The following RYR1 variants were observed in gnomAD, a reference collection of about 807,000 sequenced individuals.
The protein encoded by RYR1 is ryanodine receptor 1.
Under a neutral mutation model 583.5 loss-of-function variants are expected in RYR1, and 342 were observed. The observed-to-expected ratio is 0.59, with a 90% CI of 0.54 to 0.64. The LOEUF is 0.64. Ranked by LOEUF, RYR1 falls within the 30% of genes least tolerant of loss-of-function variation. The probability of loss-of-function intolerance (pLI) is 0.00; values close to 1 mark genes in which losing one functional copy is unlikely to be tolerated. For missense variants in RYR1, 6,032 were observed against 6,917.2 expected (o/e 0.87, Z 4.54); for synonymous variants, 2,791 against 2,822.5 (o/e 0.99, Z 0.35).
At chr19:38,465,365 G>A (rs1371531050) in intron 23 of RYR1, among the ~76,000 whole-genome samples, 3 of 152,092 alleles carry the variant, frequency 2.0e-5, no homozygotes, top group Non-Finnish European at 4.4e-5. Context: ...CAACTTGGGA[G>A]GTTGAGATGG....
rs183194072 is a variant in RYR1, at chr19:38,447,563, C to T, written c.801-792C>T. On this transcript the variant is annotated intron_variant, in intron 9 of 105. Transcript: ENST00000359596. Reference sequence around the variant, plus strand: ...CTCAAAAAAATACAAAAACAAAGGCCGGGGGCGGTGGCTCACACCTGTAAT... The same window carrying T: ...CTCAAAAAAATACAAAAACAAAGGCTGGGGGCGGTGGCTCACACCTGTAAT... Among the ~76,000 whole-genome samples the T allele has an allele frequency of 4.5e-3, 674 of 148,206 alleles. 6 individuals carry two copies. The highest frequency in any genetic ancestry group is 0.016 in the African/African-American group (629 of 40,022).
chr19:38,506,592 G>C (rs748884335), intron 56 of RYR1, 46 bp downstream of exon 56: 4 of 1,605,608 alleles, frequency 2.5e-6, no homozygotes, highest in Admixed American at 1.7e-5. Flanking sequence ...TGGATTCACC[G>C]TGTGGTTTTG....
chr19:38,448,598 C>T (rs1966913455), intron 10 of RYR1, 51 bp from the exon 11 acceptor site: 7 of 1,614,180 alleles, frequency 4.3e-6, no homozygotes, highest in Non-Finnish European at 5.9e-6. Context: ...GGGGGCTCCC[C>T]TGCTAAACAC....
intron 55 of RYR1, 45 bp from the exon 56 acceptor site, chr19:38,506,426 C>G (rs781068340): frequency 1.2e-6 from 2 of 1,613,754 alleles, no homozygotes; most frequent in Non-Finnish European, 1.7e-6. Context: ...TTTGGGGGGG[C>G]TGGCATCCTC....
chr19:38,520,900 G>A (rs1313581649), intron 67 of RYR1, among the ~76,000 whole-genome samples: 1 of 152,030 alleles, frequency 6.6e-6, no homozygotes, highest in Non-Finnish European at 1.5e-5. Flanking sequence ...TTTCACAAAT[G>A]TTAGGTGGAA....
chr19:38,540,386 CAT>C (rs1972146050), intron 84 of RYR1, among the ~76,000 whole-genome samples: 1 of 142,742 alleles, frequency 7.0e-6, no homozygotes, highest in African/African-American at 2.6e-5. Context: ...AACCTCCAAT[CAT>C]ATACTACAGT....
rs776320867 is a variant in RYR1 at position 38,489,168 on chromosome 19, G to T, written c.5548-9G>T. 5 of 1,613,972 alleles carry T rather than the reference G, an allele frequency of 3.1e-6. No individual in the cohort carries two copies. On this transcript the variant is annotated splice_polypyrimidine_tract_variant and intron_variant, in intron 34 of 105. Transcript: ENST00000359596. ...GGCCACAGTGAAGAACCGAGACTTT[G>T]TCCTGTAGGTGATGGGCATCTTTGG...
intron 39 of RYR1, among the ~76,000 whole-genome samples, chr19:38,494,852 C>T (rs370495390): frequency 1.4e-5 from 2 of 142,114 alleles, no homozygotes; most frequent in African/African-American, 5.7e-5. Context: ...CCCACCCCCC[C>T]CTTTTTTTTT....
At position 38,509,170 on chromosome 19, in the gene RYR1, C is replaced by T. The variant is rs1485462778; in HGVS notation, c.8933-1328C>T. Among the ~76,000 whole-genome samples, 3 of 152,274 alleles carry T rather than the reference C, an allele frequency of 2.0e-5. No individual in the cohort carries two copies. The East Asian group carries it at 5.8e-4, about 29-fold the overall frequency. On this transcript the variant is annotated intron_variant, in intron 58 of 105. Transcript: ENST00000359596. ...AAAGCCTGCCTGCTGAGCTTCAGTG[C>T]TGCACATCCCCCTGACAATTCCCTT...
In RYR1 at chr19:38,444,159, C is replaced by T. The variant is rs1972827170; in HGVS notation, c.435C>T (p.Cys145=). 6.2e-7 allele frequency: 1 copy of T among 1,613,674 alleles called. No homozygotes were observed. The highest frequency in any genetic ancestry group is 8.5e-7 in the Non-Finnish European group (1 of 1,179,764). The change falls in exon 6 of 106, where the codon TGC becomes TGT. Residue 145 remains cysteine (C), a synonymous_variant. Transcript: ENST00000359596. The surrounding 1 kb of genome is among the most constrained non-coding windows in gnomAD (Gnocchi z 5.1). ...CATCCCCACCCATAGGAGAGGCTTG[C>T]TGGTGGACCATGCACCCAGCCTCCA... ...GLQEDATGEA[C]WWTMHPASKQ...
In RYR1 at chr19:38,502,593, G is replaced by A. The variant is rs1420408214; in HGVS notation, c.7701G>A (p.Pro2567=). 2 of 1,612,556 alleles carry A rather than the reference G, an allele frequency of 1.2e-6. No homozygotes were observed. The highest frequency in any genetic ancestry group is 2.2e-5 in the East Asian group (1 of 44,844). ...AVLPLITKCA[P]LFAGTEHRAI... Reference sequence around the variant, plus strand: ...TGCCGCTCATCACCAAGTGTGCGCCGCTCTTTGCGGGCACAGAACACCGCG... The same window carrying A: ...TGCCGCTCATCACCAAGTGTGCGCCACTCTTTGCGGGCACAGAACACCGCG... Residue 2567 remains proline, a synonymous_variant, in exon 48 of 106, where the codon CCG becomes CCA. Coordinates refer to ENST00000359596, the MANE Select transcript of RYR1 (RefSeq NM_000540.3).
chr19:38,486,008 G>A lies in RYR1; in HGVS notation c.5353G>A (p.Ala1785Thr), dbSNP rs994430568. ...HHFSPPCFVA[A>T]LPAAGAAEAP... is the part of the protein sequence containing the mutation. ...TTTCTCGCCCCCCTGTTTCGTGGCC[G>A]CTCTGCCAGCTGCTGGGGCAGCAGA... The change falls in exon 34 of 106, where the codon GCT becomes ACT. Residue 1785 changes from alanine to threonine, a missense_variant. Physicochemically the swap from Ala to Thr is moderately conservative, Grantham distance 58. Transcript: ENST00000359596. 2 of 1,613,240 alleles carry A rather than the reference G, an allele frequency of 1.2e-6. No homozygotes were observed. Among genetic ancestry groups the A allele is most frequent in the Non-Finnish European group, 8.5e-7 (1 of 1,179,896 alleles).
chr19:38,570,319 G>T (rs1361156105), intron 93 of RYR1, among the ~76,000 whole-genome samples: 1 of 151,976 alleles, frequency 6.6e-6, no homozygotes, highest in Non-Finnish European at 1.5e-5. Flanking sequence ...GGGCGTGGTG[G>T]CACACGCCTG....
rs753401983 is a variant in RYR1 at position 38,580,450 on chromosome 19, C to T, written c.14592C>T (p.Tyr4864=). ...VVAFNFFRKF[Y]NKSEDEDEPD... ...CCTTCAACTTCTTCCGCAAGTTCTA[C>T]AACAAGAGCGAGGATGAGGATGAAC... The change falls in exon 101 of 106, where the codon TAC becomes TAT. Residue 4864 remains tyrosine, a synonymous_variant. Coordinates refer to ENST00000359596, the MANE Select transcript of RYR1 (RefSeq NM_000540.3). 2 of 1,614,068 alleles carry T rather than the reference C, an allele frequency of 1.2e-6. No individual in the cohort carries two copies.
chr19:38,537,024 G>C (rs1265403149), intron 83 of RYR1: 2 of 587,498 alleles, frequency 3.4e-6, no homozygotes, highest in Non-Finnish European at 3.1e-6. Flanking sequence ...CCCCATGTGT[G>C]AAGCAGAAGC....
Position 38,505,842 on chromosome 19 carries a change from C to T in RYR1, c.8437C>T (p.Leu2813=), listed in dbSNP as rs1970419155. The T allele has an allele frequency of 1.2e-6, 2 of 1,614,004 alleles. No homozygotes were observed. The highest frequency in any genetic ancestry group is 1.7e-5 in the Admixed American group (1 of 59,992). Residue 2813 remains leucine (L), a synonymous_variant, in exon 54 of 106, where the codon CTG becomes TTG. Coordinates refer to ENST00000359596, the MANE Select transcript of RYR1 (RefSeq NM_000540.3). ...EIYRWPIKES[L]KAMIAWEWTI... The stretch of plus-strand genomic sequence containing the variant: ...TTACCGCTGGCCCATCAAGGAGTCC[C>T]TGAAGGCCATGATTGCCTGGGAATG...
At position 38,561,133 on chromosome 19, in the gene RYR1, G is replaced by A. The variant is rs1213510971; in HGVS notation, c.12303G>A (p.Gln4101=). The change falls in exon 90 of 106, where the codon CAG becomes CAA. Residue 4101 remains glutamine (Q), a synonymous_variant. Coordinates refer to ENST00000359596, the MANE Select transcript of RYR1 (RefSeq NM_000540.3). The surrounding 1 kb of genome is among the most constrained non-coding windows in gnomAD (Gnocchi z 4.8). ...CCCAGGCCATGGACAGCCAGAAGCA[G>A]TTCAGCGGTCCAGAAATCCAGTTCC... ...DFQKAMDSQK[Q]FSGPEIQFLL... is the part of the protein sequence containing the mutation. 1 of 1,613,968 alleles carries A rather than the reference G, an allele frequency of 6.2e-7. No individual in the cohort carries two copies. Among genetic ancestry groups the A allele is most frequent in the East Asian group, 2.2e-5 (1 of 44,894 alleles).
intron 83 of RYR1, 84 bp downstream of exon 83, chr19:38,536,851 G>A: frequency 1.4e-6 from 2 of 1,450,980 alleles, no homozygotes; most frequent in Admixed American, 3.4e-5. Flanking sequence ...AGGGGCTGAG[G>A]ATCTGGGACG....
intron 63 of RYR1, among the ~76,000 whole-genome samples, chr19:38,514,691 G>A (rs1432756945): frequency 1.3e-5 from 2 of 152,000 alleles, no homozygotes; most frequent in African/African-American, 4.8e-5. Context: ...CATTATAGAG[G>A]GCCATGAGTC....
Sources: gnomAD v4.1 joint callset for allele counts (sites outside exome capture counted in the v4.1 genomes callset) on GRCh38, gnomAD v4.1.1 for gene constraint, Gnocchi (gnomAD v3.1) non-coding constraint, MANE v1.5 for transcripts, NCBI Gene and HGNC (gene_info 2026-07-23, HGNC 2026-07-21) for gene names.